Variants in NRXN3 observed in about 807,000 individuals in gnomAD.
NRXN3 encodes the protein neurexin III.
In NRXN3, 32 loss-of-function variants were observed where a neutral mutation model predicts 137.6. The observed-to-expected ratio is 0.23, with a 90% CI of 0.18 to 0.31. NRXN3 has a LOEUF of 0.31. Among genes scored for constraint, NRXN3 ranks in the 10% least tolerant of loss-of-function variants. NRXN3 has a pLI of 1.00. For missense variants in NRXN3, 1,574 were observed against 2,062.5 expected, an observed-to-expected ratio of 0.76 and a Z score of 4.59; for synonymous variants, 798 against 784.5, an observed-to-expected ratio of 1.02 and a Z score of -0.29.
At chr14:79,757,302 G>T (rs1406215604) in intron 19 of NRXN3, among the ~76,000 whole-genome samples, 1 of 152,100 alleles carries the variant, frequency 6.6e-6, no homozygotes, top group Admixed American at 6.6e-5. Context: ...GCTCTTGATG[G>T]GTGCATTGAT....
At chr14:78,991,059 G>A (rs1477275394) in intron 15 of NRXN3, among the ~76,000 whole-genome samples, 1 of 152,192 alleles carries the variant, frequency 6.6e-6, no homozygotes, top group Non-Finnish European at 1.5e-5. Context: ...GGACTCAAGT[G>A]TTAACCTTCA....
intron 4 of NRXN3, among the ~76,000 whole-genome samples, chr14:78,614,011 T>C (rs2097324646): frequency 6.6e-6 from 1 of 152,210 alleles, no homozygotes; most frequent in South Asian, 2.1e-4. Context: ...CTCTTTGGGT[T>C]GGTTGTAGCT....
chr14:78,367,149 G>A (rs907572239), intron 4 of NRXN3, among the ~76,000 whole-genome samples: 1 of 151,708 alleles, frequency 6.6e-6, no homozygotes, highest in African/African-American at 2.4e-5. Context: ...TACTAACTAG[G>A]GTTTTTCTGC....
intron 16 of NRXN3, among the ~76,000 whole-genome samples, chr14:79,531,486 A>G (rs866825722): frequency 3.9e-5 from 6 of 152,236 alleles, no homozygotes; most frequent in African/African-American, 1.4e-4. Context: ...GGATAGTGTT[A>G]TGAGATTTTT....
At chr14:79,753,391 TAA>T (rs1373911898) in intron 19 of NRXN3, among the ~76,000 whole-genome samples, 1 of 151,790 alleles carries the variant, frequency 6.6e-6, no homozygotes, top group Non-Finnish European at 1.5e-5. Context: ...TATGCAGCCA[TAA>T]AAAATGATGA....
chr14:79,326,191 G>A (rs1274842825), intron 15 of NRXN3, among the ~76,000 whole-genome samples: 2 of 152,188 alleles, frequency 1.3e-5, no homozygotes, highest in African/African-American at 2.4e-5. Flanking sequence ...ATGTATTTCA[G>A]ATGGGCAGTA....
intron 15 of NRXN3, among the ~76,000 whole-genome samples, chr14:79,209,872 C>T (rs1431870306): frequency 6.6e-6 from 1 of 152,144 alleles, no homozygotes; most frequent in African/African-American, 2.4e-5. Context: ...TAGTACAACA[C>T]TGTTAAGAGA....
intron 10 of NRXN3, among the ~76,000 whole-genome samples, chr14:78,893,044 C>G (rs1034349670): frequency 6.6e-6 from 1 of 151,828 alleles, no homozygotes; most frequent in East Asian, 2.0e-4. Context: ...ATAATTCTGT[C>G]CCTACCCCTG....
At chr14:79,027,476 A>G (rs1240272960) in intron 15 of NRXN3, among the ~76,000 whole-genome samples, 3 of 152,170 alleles carry the variant, frequency 2.0e-5, no homozygotes, top group Non-Finnish European at 1.5e-5. Context: ...GATCTAGAAT[A>G]AAGAATCTGT....
intron 4 of NRXN3, among the ~76,000 whole-genome samples, chr14:78,585,807 T>A (rs868387782): frequency 1.2e-4 from 19 of 152,168 alleles, no homozygotes; most frequent in South Asian, 8.3e-4. Flanking sequence ...GCTTTGGACT[T>A]GCATTTCCGT....
At chr14:78,337,422 G>A (rs368846163) in intron 4 of NRXN3, among the ~76,000 whole-genome samples, 2 of 152,152 alleles carry the variant, frequency 1.3e-5, no homozygotes, top group African/African-American at 4.8e-5. Flanking sequence ...GGTGGCAATG[G>A]GGGTTATGAG....
At chr14:78,944,942 A>G (rs376432113) in intron 10 of NRXN3, among the ~76,000 whole-genome samples, 3 of 152,170 alleles carry the variant, frequency 2.0e-5, no homozygotes, top group African/African-American at 7.2e-5. Context: ...TATTAACATT[A>G]TTTATGTTTC....
At chr14:79,603,168 C>G (rs770964930) in intron 16 of NRXN3, among the ~76,000 whole-genome samples, 2 of 152,198 alleles carry the variant, frequency 1.3e-5, no homozygotes, top group Non-Finnish European at 2.9e-5. Flanking sequence ...TTCACAAGTT[C>G]CCTGGAGTTA....
At chr14:78,214,566 T>G (rs1452826026) in intron 1 of NRXN3, among the ~76,000 whole-genome samples, 1 of 152,216 alleles carries the variant, frequency 6.6e-6, no homozygotes, top group Non-Finnish European at 1.5e-5. Context: ...TTAGTCATGA[T>G]GTTTTGGTCT....
chr14:79,765,622 A>T (rs1006404517), intron 19 of NRXN3, among the ~76,000 whole-genome samples: 32 of 152,202 alleles, frequency 2.1e-4, no homozygotes, highest in African/African-American at 7.5e-4. Flanking sequence ...TACTTTGCTC[A>T]TCACCCTGTC....
chr14:78,547,636 A>G (rs940830781), intron 4 of NRXN3, among the ~76,000 whole-genome samples: 3 of 151,948 alleles, frequency 2.0e-5, no homozygotes, highest in African/African-American at 7.2e-5. Context: ...TCATTCAGAA[A>G]TTAATTTATA....
chr14:78,404,922 G>A (rs188809412), intron 4 of NRXN3, among the ~76,000 whole-genome samples: 82 of 152,246 alleles, frequency 5.4e-4, no homozygotes, highest in Admixed American at 6.5e-4. Flanking sequence ...CCTGCCTATC[G>A]TCTGTCTACT....
chr14:78,400,972 G>A (rs2091991197), intron 4 of NRXN3, among the ~76,000 whole-genome samples: 1 of 152,160 alleles, frequency 6.6e-6, no homozygotes, highest in South Asian at 2.1e-4. Flanking sequence ...AGGCTGAGAA[G>A]TCCAATATCA....
chr14:78,242,301 A>G (rs1464802170), intron 1 of NRXN3, 90 bp from the exon 2 acceptor site: 2 of 152,252 alleles, frequency 1.3e-5, no homozygotes, highest in Non-Finnish European at 1.5e-5. Flanking sequence ...CGAAGTCAGC[A>G]TTCCATCAAT....
Sources: gnomAD v4.1 joint callset for allele counts (sites outside exome capture counted in the v4.1 genomes callset) on GRCh38, gnomAD v4.1.1 for gene constraint, MANE v1.5 for transcripts, NCBI Gene and HGNC (gene_info 2026-07-23, HGNC 2026-07-21) for gene names.